Variants in NMBR observed in about 807,000 individuals in gnomAD.
NMBR encodes neuromedin-B receptor.
Under a neutral mutation model 20.5 loss-of-function variants are expected in NMBR, and 16 were observed. The ratio of observed to expected loss-of-function variants is 0.78; its 90% CI spans 0.53 to 1.19. The LOEUF is 1.19. NMBR is among the 50% of genes most tolerant of loss of function. The pLI is 0.00. For synonymous variants in NMBR, 212 were observed against 196.6 expected (o/e 1.08, Z -0.65); for missense variants, 582 against 499.1 (o/e 1.17, Z -1.58).
chr6:142,133,903 C>A (rs1468838632), intron 1 of NMBR: 1 of 702,304 alleles, frequency 1.4e-6, no homozygotes. Context: ...TTGGATCGAT[C>A]CGAATATTCT....
At chr6:142,143,888 T>C (rs760223052) in intron 1 of NMBR, among the ~76,000 whole-genome samples, 1 of 152,056 alleles carries the variant, frequency 6.6e-6, no homozygotes, top group Non-Finnish European at 1.5e-5. Context: ...GATAGGCATA[T>C]GGAATGGGAA....
chr6:142,098,037 G>T (rs1777493606), intron 1 of NMBR, among the ~76,000 whole-genome samples: 1 of 151,970 alleles, frequency 6.6e-6, no homozygotes, highest in South Asian at 2.1e-4. Flanking sequence ...TGAATAAAGT[G>T]TGCACTCTGG....
At chr6:142,076,714 T>C (rs1051901734) in intron 3 of NMBR, among the ~76,000 whole-genome samples, 1 of 152,210 alleles carries the variant, frequency 6.6e-6, no homozygotes, top group African/African-American at 2.4e-5. Flanking sequence ...AATTCAAATA[T>C]TGGACATCAA....
intron 2 of NMBR, among the ~76,000 whole-genome samples, chr6:142,080,269 T>C (rs9496257): frequency 0.5 from 74,069 of 149,166 alleles, 18,904 homozygotes; most frequent in East Asian, 0.74. Context: ...TTTTTTATAG[T>C]GTCCTATTCC....
chr6:142,122,388 T>G (rs117181023), intron 1 of NMBR, among the ~76,000 whole-genome samples: 231 of 152,044 alleles, frequency 1.5e-3, no homozygotes, highest in Non-Finnish European at 2.5e-3. Flanking sequence ...CAAGATGGTA[T>G]ATCACCATAC....
At chr6:142,113,293 G>T (rs1173882284) in intron 1 of NMBR, among the ~76,000 whole-genome samples, 1 of 151,982 alleles carries the variant, frequency 6.6e-6, no homozygotes, top group Non-Finnish European at 1.5e-5. Flanking sequence ...TCTGAAAATA[G>T]ATTGAATCAT....
rs531326424 is a variant in NMBR at position 142,074,515 on chromosome 6, C to T, written c.*1133G>A. On this transcript the variant is annotated 3_prime_UTR_variant, in exon 4 of 4. Transcript: ENST00000258042. ...TAAATGTTAGATTTATTGATACATGCTTTTAAAAATGGTAGCTTTTAAACT... is the reference window on the plus strand; with the variant it reads ...TAAATGTTAGATTTATTGATACATGTTTTTAAAAATGGTAGCTTTTAAACT... Among the ~76,000 whole-genome samples the T allele has an allele frequency of 1.3e-5, 2 of 152,054 alleles. No individual in the cohort carries two copies. Among genetic ancestry groups the T allele is most frequent in the Admixed American group, 1.3e-4 (2 of 15,256 alleles).
intron 1 of NMBR, among the ~76,000 whole-genome samples, chr6:142,142,266 G>C (rs2114616146): frequency 6.6e-6 from 1 of 152,262 alleles, no homozygotes; most frequent in South Asian, 2.1e-4. Context: ...AATGTTTAAG[G>C]AAGAAATAAT....
intron 1 of NMBR, among the ~76,000 whole-genome samples, chr6:142,097,576 G>A (rs78084588): frequency 0.019 from 2,840 of 152,178 alleles, 45 homozygotes; most frequent in Non-Finnish European, 0.025. Flanking sequence ...TCAAAATATT[G>A]TAAGTTGCAC....
At chr6:142,082,688 G>A (rs1777122834) in intron 2 of NMBR, among the ~76,000 whole-genome samples, 2 of 152,154 alleles carry the variant, frequency 1.3e-5, no homozygotes, top group Admixed American at 1.3e-4. Flanking sequence ...CCTGCAAGGT[G>A]CAGTGCAATG....
chr6:142,080,886 T>C (rs1475345580), intron 2 of NMBR, among the ~76,000 whole-genome samples: 2 of 152,184 alleles, frequency 1.3e-5, no homozygotes, highest in Non-Finnish European at 2.9e-5. Context: ...CCTCCACGTA[T>C]TTAAAAAGGA....
At chr6:142,079,531 T>A (rs1777049941) in intron 2 of NMBR, among the ~76,000 whole-genome samples, 1 of 152,202 alleles carries the variant, frequency 6.6e-6, no homozygotes, top group Admixed American at 6.5e-5. Context: ...ATACCAAATA[T>A]AAGATATTCA....
chr6:142,136,507 C>T (rs544030400), intron 1 of NMBR, among the ~76,000 whole-genome samples: 2 of 152,146 alleles, frequency 1.3e-5, no homozygotes, highest in Admixed American at 6.5e-5. Flanking sequence ...TAATTAGATC[C>T]CATTTGTCAA....
intron 2 of NMBR, among the ~76,000 whole-genome samples, chr6:142,082,790 T>A (rs972196432): frequency 1.3e-5 from 2 of 152,208 alleles, no homozygotes; most frequent in African/African-American, 4.8e-5. Flanking sequence ...AATTATGATA[T>A]GTCACATCAT....
chr6:142,095,046 T>C (rs1034270137), intron 1 of NMBR, among the ~76,000 whole-genome samples: 4 of 152,142 alleles, frequency 2.6e-5, no homozygotes, highest in Non-Finnish European at 5.9e-5. Flanking sequence ...CTTAAGGAGA[T>C]TTTGGGCTGA....
rs761869754 is a variant in NMBR, at chr6:142,078,896, C to G, written c.430G>C (p.Ala144Pro). ...TGCATGTCCATGGGGTTAACGATGG[C>G]TCTGTACCTGGGAAAATGATACATC... is the stretch of plus-strand genomic sequence containing the variant. ...LTALSADRYR[A>P]IVNPMDMQTS... Residue 144 changes from alanine (A) to proline (P), a missense_variant, in exon 3 of 4, where the codon GCC becomes CCC. Transcript: ENST00000258042. 1 of 1,594,262 alleles carries G rather than the reference C, an allele frequency of 6.3e-7. No homozygotes were observed. Among genetic ancestry groups the G allele is most frequent in the South Asian group, 1.1e-5 (1 of 89,788 alleles).
In NMBR at chr6:142,136,938, C is replaced by A. The variant is rs182155597; in HGVS notation, c.-664+10106G>T. Among the ~76,000 whole-genome samples the A allele has an allele frequency of 7.6e-4, 115 of 152,266 alleles. 1 individual carries two copies. The highest frequency in any genetic ancestry group is 1.3e-3 in the Non-Finnish European group (88 of 68,022). On this transcript the variant is annotated intron_variant, in intron 1 of 3. Coordinates refer to ENST00000258042, the MANE Select transcript of NMBR (RefSeq NM_002511.4). ...TTGAAGTCAGGTAGGGTGATGCCTG[C>A]AGCTTTGTTCTTTTGGCTTAGGATT...
intron 2 of NMBR, among the ~76,000 whole-genome samples, chr6:142,079,460 A>G (rs1459997323): frequency 6.6e-6 from 1 of 152,176 alleles, no homozygotes; most frequent in Non-Finnish European, 1.5e-5. Flanking sequence ...AATCCTGGAC[A>G]TTAGTTTACC....
chr6:142,097,195 G>A (rs1043920920), intron 1 of NMBR, among the ~76,000 whole-genome samples: 6 of 152,050 alleles, frequency 3.9e-5, no homozygotes, highest in African/African-American at 1.4e-4. Flanking sequence ...ATTGTTATGT[G>A]TGAATTTGAT....
Sources: allele counts gnomAD v4.1 joint callset (sites outside exome capture counted in the v4.1 genomes callset), GRCh38; gene constraint gnomAD v4.1.1; transcripts MANE v1.5; gene names NCBI Gene and HGNC (gene_info 2026-07-23, HGNC 2026-07-21).